The following SRPK2 variants were observed in gnomAD, a reference collection of about 807,000 sequenced individuals.
SRPK2 encodes the protein SRSF protein kinase 2, also known as SFRS protein kinase 2.
A neutral mutation model predicts 90.8 loss-of-function variants in SRPK2; 21 were observed. That is an observed-to-expected ratio of 0.23 (90% confidence interval 0.16 to 0.33). The LOEUF is 0.33. Ranked by LOEUF, SRPK2 falls within the 10% of genes least tolerant of loss-of-function variation. The pLI is 1.00. For missense variants in SRPK2, 620 were observed against 869.0 expected (o/e 0.71, Z 3.60); for synonymous variants, 288 against 311.1 (o/e 0.93, Z 0.78).
At chr7:105,322,624 G>A (rs1813065252) in intron 2 of SRPK2, among the ~76,000 whole-genome samples, 1 of 152,012 alleles carries the variant, frequency 6.6e-6, no homozygotes. Flanking sequence ...TTCTTACTGG[G>A]GTGACAAAAC....
intron 2 of SRPK2, among the ~76,000 whole-genome samples, chr7:105,297,232 C>T (rs1809943188): frequency 6.6e-6 from 1 of 152,098 alleles, no homozygotes; most frequent in Non-Finnish European, 1.5e-5. Flanking sequence ...AAAGTAAAAA[C>T]AAGCTGTTAG....
intron 2 of SRPK2, 61 bp downstream of exon 2, chr7:105,388,587 G>T: frequency 6.7e-7 from 1 of 1,491,062 alleles, no homozygotes; most frequent in Non-Finnish European, 9.1e-7. Flanking sequence ...CCCCTGCGCG[G>T]CCGCGGGCGC....
chr7:105,232,615 C>CA (rs11334425), intron 2 of SRPK2, among the ~76,000 whole-genome samples: 2,148 of 151,240 alleles, frequency 0.014, 26 homozygotes, highest in African/African-American at 0.036. Context: ...CAAAACAAAA[C>CA]AAAAAAAAAC....
At chr7:105,176,721 GTGTGTA>G (rs10607749) in intron 3 of SRPK2, among the ~76,000 whole-genome samples, 44,837 of 146,076 alleles carry the variant, frequency 0.31, 6,798 homozygotes, top group Middle Eastern at 0.35. Flanking sequence ...GTGTGTGTGT[GTGTGTA>G]TGTATGTATG....
intron 7 of SRPK2, among the ~76,000 whole-genome samples, chr7:105,158,757 A>ATTT (rs1282549961): frequency 9.1e-4 from 138 of 151,798 alleles, no homozygotes; most frequent in African/African-American, 3.3e-3. Context: ...AAAAATAATT[A>ATTT]GGAGATTCTT....
At position 105,244,522 on chromosome 7, in the gene SRPK2, T is replaced by A. The variant is rs1173570076; in HGVS notation, c.72-40737A>T. ...CCGGGAGGCGGAGCTTGCAGTGAGCTAAGATCGTGCCACTGCACTCCCGCC... is the reference window on the plus strand; with the variant it reads ...CCGGGAGGCGGAGCTTGCAGTGAGCAAAGATCGTGCCACTGCACTCCCGCC... On this transcript the variant is annotated intron_variant, in intron 2 of 15. Transcript: ENST00000393651. 1.2e-5 allele frequency: 6 copies of A among 508,764 alleles called. 1 individual carries two copies. The highest frequency in any genetic ancestry group is 2.1e-5 in the Non-Finnish European group (6 of 280,828). The allele number at this position is 508,764 out of a possible 1,614,324, so 31.5% of individuals were successfully genotyped here. A position where few individuals can be genotyped will look rare whatever the true frequency, so the allele number is the denominator to read the frequency against.
upstream of SRPK2, among the ~76,000 whole-genome samples, chr7:105,394,348 G>A (rs373017217): frequency 4.6e-5 from 7 of 152,100 alleles, no homozygotes; most frequent in East Asian, 9.7e-4. Context: ...TCACCATATT[G>A]GCCAGGCTGG....
intron 2 of SRPK2, among the ~76,000 whole-genome samples, chr7:105,381,274 G>A (rs1169962343): frequency 6.6e-6 from 1 of 151,792 alleles, no homozygotes; most frequent in Non-Finnish European, 1.5e-5. Context: ...TCATTAAAAT[G>A]ACAATATTAA....
chr7:105,326,400 C>T (rs948656265), intron 2 of SRPK2, among the ~76,000 whole-genome samples: 7 of 152,224 alleles, frequency 4.6e-5, no homozygotes, highest in South Asian at 4.1e-4. Context: ...ACATTATCTT[C>T]TCCATTATTT....
chr7:105,268,852 C>A, intron 2 of SRPK2: 1 of 1,589,690 alleles, frequency 6.3e-7, no homozygotes, highest in South Asian at 1.1e-5. Flanking sequence ...ATCAGCAGCT[C>A]AATCTTCTGC....
At chr7:105,378,762 A>C (rs954113831) in intron 2 of SRPK2, among the ~76,000 whole-genome samples, 6 of 89,042 alleles carry the variant, frequency 6.7e-5, no homozygotes, top group Non-Finnish European at 1.4e-4. Context: ...ACTCCGTCTC[A>C]AAAAAAAAAA....
intron 2 of SRPK2, among the ~76,000 whole-genome samples, chr7:105,331,906 C>G (rs1357313867): frequency 6.6e-6 from 1 of 152,114 alleles, no homozygotes; most frequent in Non-Finnish European, 1.5e-5. Flanking sequence ...GGCCTATAAT[C>G]TCAGCACTTT....
intron 6 of SRPK2, among the ~76,000 whole-genome samples, chr7:105,161,726 T>A (rs1016554921): frequency 1.3e-5 from 2 of 152,170 alleles, no homozygotes; most frequent in Non-Finnish European, 2.9e-5. Context: ...ATAAGCTACA[T>A]AAAACACATT....
At chr7:105,373,387 A>AT (rs1163219184) in intron 2 of SRPK2, among the ~76,000 whole-genome samples, 1 of 149,348 alleles carries the variant, frequency 6.7e-6, no homozygotes, top group Non-Finnish European at 1.5e-5. Flanking sequence ...CAAAAAAAAA[A>AT]AATTTTTTTT....
intron 15 of SRPK2, among the ~76,000 whole-genome samples, chr7:105,121,377 T>TAAAAA (rs551673852): frequency 1.1e-3 from 47 of 41,784 alleles, no homozygotes; most frequent in African/African-American, 3.1e-3. Flanking sequence ...TATGAAGACG[T>TAAAAA]AAAAAAAAAA....
At position 105,334,347 on chromosome 7, in the gene SRPK2, G is replaced by A. The variant is rs1341290671; in HGVS notation, c.71+54301C>T. Among the ~76,000 whole-genome samples, 3 of 152,176 alleles carry A rather than the reference G, an allele frequency of 2.0e-5. No homozygotes were observed. The East Asian group carries it at 5.8e-4, about 29-fold the overall frequency. On this transcript the variant is annotated intron_variant, in intron 2 of 15. Coordinates refer to ENST00000393651, the MANE Select transcript of SRPK2 (RefSeq NM_182692.3). ...CCCACCTTGGCCTCCCAAAGTGCTGGGATTACAGGCGTGAGCCACCACGCC... is the reference window on the plus strand; with the variant it reads ...CCCACCTTGGCCTCCCAAAGTGCTGAGATTACAGGCGTGAGCCACCACGCC...
At chr7:105,197,384 G>A (rs565559660) in intron 3 of SRPK2, among the ~76,000 whole-genome samples, 308 of 152,206 alleles carry the variant, frequency 2.0e-3, no homozygotes, top group African/African-American at 2.7e-3. Flanking sequence ...TAAGTATTCC[G>A]GAGAACTATG....
intron 2 of SRPK2, among the ~76,000 whole-genome samples, chr7:105,378,610 A>G (rs923889425): frequency 6.6e-6 from 1 of 152,026 alleles, no homozygotes; most frequent in African/African-American, 2.4e-5. Flanking sequence ...CAAAAATACA[A>G]AAATTAGCTG....
At chr7:105,132,544 C>A (rs2129574962) in intron 13 of SRPK2, among the ~76,000 whole-genome samples, 1 of 152,314 alleles carries the variant, frequency 6.6e-6, no homozygotes, top group East Asian at 1.9e-4. Flanking sequence ...CTGTGCAGGG[C>A]CTTAAGAAGA....
Sources: gnomAD v4.1 joint callset for allele counts (sites outside exome capture counted in the v4.1 genomes callset) on GRCh38, gnomAD v4.1.1 for gene constraint, MANE v1.5 for transcripts, NCBI Gene and HGNC (gene_info 2026-07-23, HGNC 2026-07-21) for gene names.